CACNA1B: variants seen among roughly 807,000 people sequenced by gnomAD.
CACNA1B encodes the protein calcium voltage-gated channel subunit alpha1 B.
A neutral mutation model predicts 247.2 loss-of-function variants in CACNA1B; 70 were observed. The ratio of observed to expected loss-of-function variants is 0.28; its 90% confidence interval spans 0.23 to 0.35. The LOEUF (loss-of-function observed/expected upper bound fraction) is 0.35, where lower values mean the gene tolerates loss of function less well. Among genes scored for constraint, CACNA1B ranks in the 10% least tolerant of loss-of-function variants. The pLI, the probability that CACNA1B is intolerant of heterozygous loss-of-function variation, is 1.00. For synonymous variants in CACNA1B, 1,231 were observed against 1,294.4 expected, an observed-to-expected ratio of 0.95 and a Z score of 1.05; for missense variants, 2,367 against 3,197.4, an observed-to-expected ratio of 0.74 and a Z score of 6.26.
At position 138,054,555 on chromosome 9, in the gene CACNA1B, G is replaced by C. The variant is rs947450857; in HGVS notation, c.3968+549G>C. On this transcript the variant is annotated intron_variant, in intron 26 of 46. Transcript: ENST00000371372. This position sits in a 1 kb window ranked among gnomAD's most constrained non-coding sequence, Gnocchi z 4.6. ...TTCCTGCCCACGCGGCAGCGTCCCAGCTGCTTCTGTGTGAATATCATGCAG... is the reference window on the plus strand; with the variant it reads ...TTCCTGCCCACGCGGCAGCGTCCCACCTGCTTCTGTGTGAATATCATGCAG... 6.6e-6 allele frequency among the ~76,000 whole-genome samples: 1 copy of C among 152,260 alleles called. No individual in the cohort carries two copies. Among genetic ancestry groups the C allele is most frequent in the African/African-American group, 2.4e-5 (1 of 41,470 alleles).
In CACNA1B at chr9:138,033,284, T is replaced by C. The variant is rs549162215; in HGVS notation, c.3286+8112T>C. On this transcript the variant is annotated intron_variant, in intron 20 of 46. Coordinates refer to ENST00000371372, the MANE Select transcript of CACNA1B (RefSeq NM_000718.4). Reference sequence around the variant, plus strand: ...GACTTTATTTCTTTGCTGATAATTTTATATTTTTCATTTGTTTTAAGTGTG... The same window carrying C: ...GACTTTATTTCTTTGCTGATAATTTCATATTTTTCATTTGTTTTAAGTGTG... Among the ~76,000 whole-genome samples the C allele has an allele frequency of 5.3e-5, 8 of 152,380 alleles. No homozygotes were observed. The South Asian group carries it at 1.7e-3, about 32-fold the overall frequency.
At chr9:137,948,067 G>A (rs555750185) in intron 6 of CACNA1B, among the ~76,000 whole-genome samples, 10 of 129,730 alleles carry the variant, frequency 7.7e-5, no homozygotes, top group African/African-American at 2.4e-4. Flanking sequence ...TGCAAACTCC[G>A]CCTCCCAAGC....
In CACNA1B at chr9:137,899,966, G is replaced by C. The variant is rs1214972284; in HGVS notation, c.531-13214G>C. On this transcript the variant is annotated intron_variant, in intron 3 of 46. Transcript: ENST00000371372. The surrounding 1 kb of genome is among the most constrained non-coding windows in gnomAD (Gnocchi z 5.0). The stretch of plus-strand genomic sequence containing the variant: ...GGACGGGGTACAGGGGCTGGCCAGC[G>C]TGGGCCAGATGCATGGGGACAAGGG... Among the ~76,000 whole-genome samples the C allele has an allele frequency of 6.6e-6, 1 of 152,168 alleles. No homozygotes were observed. Among genetic ancestry groups the C allele is most frequent in the Non-Finnish European group, 1.5e-5 (1 of 68,018 alleles).
chr9:137,936,438 G>C (rs1166666079), intron 6 of CACNA1B, among the ~76,000 whole-genome samples: 5 of 152,162 alleles, frequency 3.3e-5, no homozygotes, highest in African/African-American at 4.8e-5. Flanking sequence ...TAGGTTGCCT[G>C]TTCACTCTGA....
Position 137,971,736 on chromosome 9 carries a change from CT to C in CACNA1B, c.1543+145del. The C allele has an allele frequency of 2.9e-6, 2 of 693,078 alleles. No individual in the cohort carries two copies. Among genetic ancestry groups the C allele is most frequent in the African/African-American group, 1.8e-5 (1 of 56,284 alleles). The allele number at this position is 693,078 out of a possible 1,614,324, so 42.9% of individuals were successfully genotyped here. A position where few individuals can be genotyped will look rare whatever the true frequency, so the allele number is the denominator to read the frequency against. On this transcript the variant is annotated intron_variant, in intron 11 of 46. Transcript: ENST00000371372. The surrounding 1 kb of genome is among the most constrained non-coding windows in gnomAD (Gnocchi z 4.4). ...AAAGTATCCCACAGCCCTAGTCAGC[CT>C]CCAGGAGCCTCTGTGGGGGCCTGGG...
At chr9:138,056,042 C>G (rs527606000) in intron 26 of CACNA1B, among the ~76,000 whole-genome samples, 1 of 151,788 alleles carries the variant, frequency 6.6e-6, no homozygotes, top group South Asian at 2.1e-4. Flanking sequence ...AAAACAAAAA[C>G]AGAAACAAAA....
rs765594692 is a variant in CACNA1B at position 137,881,052 on chromosome 9, C to T, written c.391-1692C>T. ...GAGGAGAGGGCTCGGGCTGGGGGCTCCTTCCCAGCTGAGGGTGCTGGCTGG... is the reference window on the plus strand; with the variant it reads ...GAGGAGAGGGCTCGGGCTGGGGGCTTCTTCCCAGCTGAGGGTGCTGGCTGG... On this transcript the variant is annotated intron_variant, in intron 2 of 46. Transcript: ENST00000371372. This position sits in a 1 kb window ranked among gnomAD's most constrained non-coding sequence, Gnocchi z 4.3. Among the ~76,000 whole-genome samples the T allele has an allele frequency of 1.4e-4, 22 of 152,224 alleles. No homozygotes were observed. Among genetic ancestry groups the T allele is most frequent in the Non-Finnish European group, 2.6e-4 (18 of 68,024 alleles).
In CACNA1B at chr9:137,984,215, G is replaced by T. The variant is rs1483231948; in HGVS notation, c.1734G>T (p.Arg578=). The change falls in exon 13 of 47, where the codon CGG becomes CGT. Residue 578 remains arginine, a synonymous_variant. Transcript: ENST00000371372. Reference sequence around the variant, plus strand: ...GCTCCTTTGGGATCAGTGTGCTGCGGGCCCTCCGCCTGCTGAGGATCTTCA... The same window carrying T: ...GCTCCTTTGGGATCAGTGTGCTGCGTGCCCTCCGCCTGCTGAGGATCTTCA... ...PGSSFGISVL[R]ALRLLRIFKV... 6.2e-7 allele frequency: 1 copy of T among 1,601,500 alleles called. No individual in the cohort carries two copies. Among genetic ancestry groups the T allele is most frequent in the Non-Finnish European group, 8.5e-7 (1 of 1,174,460 alleles).
At chr9:137,918,140 A>G (rs1392216402) in intron 6 of CACNA1B, among the ~76,000 whole-genome samples, 3 of 152,032 alleles carry the variant, frequency 2.0e-5, no homozygotes, top group Non-Finnish European at 4.4e-5. Flanking sequence ...TCTCATCAGG[A>G]TGCCGGCCTG....
chr9:137,967,688 G>C (rs1958096503), intron 10 of CACNA1B, among the ~76,000 whole-genome samples: 1 of 150,510 alleles, frequency 6.6e-6, no homozygotes, highest in Non-Finnish European at 1.5e-5. Context: ...TGTGCCCACT[G>C]CAAGTGTCTC....
At position 138,122,986 on chromosome 9, in the gene CACNA1B, A is replaced by G. The variant is rs1440942369; in HGVS notation, c.*987A>G. The G allele has an allele frequency of 6.6e-6, 1 of 152,290 alleles. No homozygotes were observed. The highest frequency in any genetic ancestry group is 1.5e-5 in the Non-Finnish European group (1 of 68,060). 9.4% of individuals were successfully genotyped at this position (152,290 alleles called of 1,614,324 possible). A position where few individuals can be genotyped will look rare whatever the true frequency, so the allele number is the denominator to read the frequency against. ...TGTCATGGTGGCAAACAAGGCAGCC[A>G]TTTGCTGTCCTCCTCCCACGAGTGG... is the stretch of plus-strand genomic sequence containing the variant. On this transcript the variant is annotated 3_prime_UTR_variant, in exon 47 of 47. Coordinates refer to ENST00000371372, the MANE Select transcript of CACNA1B (RefSeq NM_000718.4).
At chr9:138,075,162 A>G (rs1254182730) in intron 34 of CACNA1B, among the ~76,000 whole-genome samples, 1 of 152,248 alleles carries the variant, frequency 6.6e-6, no homozygotes, top group Non-Finnish European at 1.5e-5. Flanking sequence ...ACTGATTTCT[A>G]AACTCTATTT....
Position 137,955,763 on chromosome 9 carries a change from A to G in CACNA1B, c.1136A>G (p.Gln379Arg). 1 of 1,612,844 alleles carries G rather than the reference A, an allele frequency of 6.2e-7. No homozygotes were observed. Among genetic ancestry groups the G allele is most frequent in the Non-Finnish European group, 8.5e-7 (1 of 1,179,482 alleles). Residue 379 changes from glutamine to arginine, a missense_variant, in exon 8 of 47, where the codon CAG becomes CGG. Physicochemically the swap from Gln to Arg is conservative, Grantham distance 43. Transcript: ENST00000371372. This position sits in a 1 kb window ranked among gnomAD's most constrained non-coding sequence, Gnocchi z 6.9. ...RRAFLKLRRQ[Q>R]QIERELNGYL... ...GCCTTCCTGAAGCTGCGCCGGCAGC[A>G]GCAGATCGAGCGAGAGCTCAACGGG...
At chr9:138,108,652 A>T (rs766455754) in intron 39 of CACNA1B, among the ~76,000 whole-genome samples, 1 of 146,298 alleles carries the variant, frequency 6.8e-6, no homozygotes, top group Middle Eastern at 3.5e-3. Context: ...AGCAAACTGA[A>T]TTTTTTTTTT....
At chr9:137,897,799 C>A (rs893344265) in intron 3 of CACNA1B, among the ~76,000 whole-genome samples, 5 of 151,906 alleles carry the variant, frequency 3.3e-5, no homozygotes, top group Non-Finnish European at 1.5e-5. Context: ...CCTGCCTCAG[C>A]CTCCCGAGTA....
At chr9:137,898,160 A>G (rs145092427) in intron 3 of CACNA1B, among the ~76,000 whole-genome samples, 2 of 152,290 alleles carry the variant, frequency 1.3e-5, no homozygotes, top group Non-Finnish European at 2.9e-5. Flanking sequence ...TCTGACCTTC[A>G]TGGTTTATGA....
intron 31 of CACNA1B, chr9:138,068,558 C>G: frequency 1.9e-6 from 1 of 517,862 alleles, no homozygotes; most frequent in Non-Finnish European, 3.9e-6. Flanking sequence ...GTGCGCTTTC[C>G]GAGAGGCACA....
rs752278667 is a variant in CACNA1B at position 137,957,709 on chromosome 9, C to T, written c.1333+22C>T. On this transcript the variant is annotated intron_variant, in intron 10 of 46. Transcript: ENST00000371372. The surrounding 1 kb of genome is among the most constrained non-coding windows in gnomAD (Gnocchi z 4.7). Reference sequence around the variant, plus strand: ...GTTGGTGAGTCTCAGGGTGTCCCTCCAGCTCTGCCAGGCTTGAGCTGGACA... The same window carrying T: ...GTTGGTGAGTCTCAGGGTGTCCCTCTAGCTCTGCCAGGCTTGAGCTGGACA... 1.1e-5 allele frequency: 17 copies of T among 1,520,360 alleles called. No individual in the cohort carries two copies. The highest frequency in any genetic ancestry group is 1.4e-5 in the Non-Finnish European group (16 of 1,120,238). 94.2% of individuals were successfully genotyped at this position (1,520,360 alleles called of 1,614,324 possible). A position where few individuals can be genotyped will look rare whatever the true frequency, so the allele number is the denominator to read the frequency against.
intron 37 of CACNA1B, among the ~76,000 whole-genome samples, chr9:138,101,395 C>G (rs1299569342): frequency 6.6e-6 from 1 of 152,198 alleles, no homozygotes; most frequent in African/African-American, 2.4e-5. Context: ...GGACAGGCAG[C>G]CTTTTGAGAG....
Sources: allele counts gnomAD v4.1 joint callset (sites outside exome capture counted in the v4.1 genomes callset), GRCh38; gene constraint gnomAD v4.1.1; non-coding constraint Gnocchi (gnomAD v3.1); transcripts MANE v1.5; gene names NCBI Gene and HGNC (gene_info 2026-07-23, HGNC 2026-07-21).